The following LIMK1 variants were observed in gnomAD, a reference collection of about 807,000 sequenced individuals.
LIMK1 encodes the protein LIM domain kinase 1.
A neutral mutation model predicts 77.6 loss-of-function variants in LIMK1; 21 were observed. The ratio of observed to expected loss-of-function variants is 0.27; its 90% CI spans 0.19 to 0.39. The LOEUF is 0.39. Among genes scored for constraint, LIMK1 ranks in the 10% least tolerant of loss-of-function variants. The pLI is 1.00. For missense variants in LIMK1, 696 were observed against 901.6 expected (o/e 0.77, Z 2.92); for synonymous variants, 358 against 370.0 (o/e 0.97, Z 0.37).
chr7:74,117,488 GCCT>G lies in LIMK1; in HGVS notation c.1567+1533_1567+1535del, dbSNP rs1373065731. Among the ~76,000 whole-genome samples, 3 of 152,092 alleles carry G rather than the reference GCCT, an allele frequency of 2.0e-5. No homozygotes were observed. The East Asian group carries it at 5.8e-4, about 29-fold the overall frequency. ...AGTCATCTTTGGGGATCATAGTTCT[GCCT>G]CCCACAGGGTCTGCTTCCCTCAGTC... On this transcript the variant is annotated intron_variant, in intron 13 of 15. Transcript: ENST00000336180.
At chr7:74,118,371 G>C (rs1799860657) in intron 13 of LIMK1, among the ~76,000 whole-genome samples, 1 of 126,082 alleles carries the variant, frequency 7.9e-6, no homozygotes, top group African/African-American at 3.1e-5. Flanking sequence ...GTGGGACTCT[G>C]TGTCAAACAC....
chr7:74,106,008 C>T lies in LIMK1; in HGVS notation c.714+28C>T, dbSNP rs375611274. 46 of 1,612,166 alleles carry T rather than the reference C, an allele frequency of 2.9e-5. No individual in the cohort carries two copies. In the East Asian group the frequency reaches 3.1e-4, roughly 11 times the overall value. ...ACGGTCCTGAGTCTGTGGGGCAGGA[C>T]GGGAGGTAGTGCCTTCATGCCTAGC... On this transcript the variant is annotated intron_variant, in intron 6 of 15. Transcript: ENST00000336180.
chr7:74,087,791 T>C (rs1799160379), intron 2 of LIMK1, among the ~76,000 whole-genome samples: 1 of 152,162 alleles, frequency 6.6e-6, no homozygotes, highest in Non-Finnish European at 1.5e-5. Flanking sequence ...GGTTTTGCCA[T>C]GTTGGCCAGG....
intron 5 of LIMK1, among the ~76,000 whole-genome samples, chr7:74,100,499 T>C (rs533254980): frequency 7.9e-5 from 12 of 152,202 alleles, no homozygotes; most frequent in African/African-American, 2.9e-4. Flanking sequence ...ACCAGCTCAC[T>C]GCAACCTCCA....
At position 74,085,732 on chromosome 7, in the gene LIMK1, C is replaced by A; in HGVS notation, c.56-16C>A. On this transcript the variant is annotated splice_polypyrimidine_tract_variant and intron_variant, in intron 1 of 15. Coordinates refer to ENST00000336180, the MANE Select transcript of LIMK1 (RefSeq NM_002314.4). ...ACTTCCTGAGAATGCTTCCCAACTC[C>A]CTTCCCACCCTGCAGGAAGCGAGTT... The A allele has an allele frequency of 6.5e-7, 1 of 1,548,686 alleles. No homozygotes were observed. Among genetic ancestry groups the A allele is most frequent in the South Asian group, 1.2e-5 (1 of 84,022 alleles).
At chr7:74,112,117 T>G in intron 12 of LIMK1, 119 bp downstream of exon 12, 2 of 794,432 alleles carry the variant, frequency 2.5e-6, no homozygotes, top group Admixed American at 2.6e-5. Flanking sequence ...GACTTCAATT[T>G]GAGGTGGGGG....
At chr7:74,120,339 G>A (rs971011281) in intron 13 of LIMK1, among the ~76,000 whole-genome samples, 7 of 152,174 alleles carry the variant, frequency 4.6e-5, no homozygotes, top group Non-Finnish European at 8.8e-5. Context: ...GCAGCTGATC[G>A]GTGCCTCGAA....
intron 2 of LIMK1, among the ~76,000 whole-genome samples, chr7:74,088,405 A>G (rs1554694325): frequency 1.3e-5 from 2 of 152,156 alleles, no homozygotes; most frequent in African/African-American, 4.8e-5. Flanking sequence ...TGCTGAGGGA[A>G]CAGGAACAGT....
chr7:74,115,970 AGCCCTGCCCATCATG>A lies in LIMK1; in HGVS notation c.1567+18_1567+32del. On this transcript the variant is annotated intron_variant, in intron 13 of 15. Coordinates refer to ENST00000336180, the MANE Select transcript of LIMK1 (RefSeq NM_002314.4). ...TGAGATGATCAACGGTGAGTGGTTCAGCCCTGCCCATCATGGCCCTCACGGGAAGCCATGGGGGAG... is the reference window on the plus strand; with the variant it reads ...TGAGATGATCAACGGTGAGTGGTTCAGCCCTCACGGGAAGCCATGGGGGAG... 6.2e-7 allele frequency: 1 copy of A among 1,608,048 alleles called. No homozygotes were observed. The highest frequency in any genetic ancestry group is 8.5e-7 in the Non-Finnish European group (1 of 1,175,136).
In LIMK1 at chr7:74,096,642, C is replaced by G. The variant is rs782699896; in HGVS notation, c.173C>G (p.Ser58Cys). 1.9e-6 allele frequency: 3 copies of G among 1,614,040 alleles called. No homozygotes were observed. The Admixed American group carries it at 5.0e-5, about 27-fold the overall frequency. ...TGCAGGTGTTGTGACTGCAGTGCCTCCCTGTCGCACCAGTACTATGAGAAG... is the reference window on the plus strand; with the variant it reads ...TGCAGGTGTTGTGACTGCAGTGCCTGCCTGTCGCACCAGTACTATGAGAAG... ...DCFRCCDCSA[S>C]LSHQYYEKDG... The change falls in exon 3 of 16, where the codon TCC becomes TGC. Residue 58 changes from serine (S) to cysteine (C), a missense_variant. Around this residue, in one of 3 missense-constraint regions of LIMK1, gnomAD observed 252 missense variants for 279.4 expected, o/e 0.90. Transcript: ENST00000336180.
chr7:74,097,836 A>G (rs926348200), intron 4 of LIMK1, among the ~76,000 whole-genome samples: 3 of 152,124 alleles, frequency 2.0e-5, no homozygotes, highest in African/African-American at 2.4e-5. Context: ...GGGGTCCCCA[A>G]CCCACTCACA....
intron 10 of LIMK1, 138 bp from the exon 11 acceptor site, chr7:74,111,510 G>A (rs1799697848): frequency 5.8e-6 from 4 of 689,984 alleles, no homozygotes; most frequent in Non-Finnish European, 1.1e-5. Context: ...ACAGTTGTGG[G>A]TGCCCGAAGA....
chr7:74,104,306 G>A (rs1799523469), intron 5 of LIMK1, among the ~76,000 whole-genome samples: 1 of 151,928 alleles, frequency 6.6e-6, no homozygotes, highest in South Asian at 2.1e-4. Flanking sequence ...ACCTAGGGCA[G>A]AGACAAAGTG....
intron 10 of LIMK1, chr7:74,109,556 A>G (rs1799653505): frequency 6.4e-6 from 1 of 156,880 alleles, no homozygotes; most frequent in Non-Finnish European, 1.4e-5. Flanking sequence ...CCCCGTCTCT[A>G]CTAAAAATAC....
chr7:74,099,179 C>T lies in LIMK1; in HGVS notation c.549C>T (p.Asp183=), dbSNP rs150491142. The change falls in exon 5 of 16, where the codon GAC becomes GAT. Residue 183 remains aspartate (D), a synonymous_variant. Transcript: ENST00000336180. ...HGKRGLSVSI[D]PPHGPPGCGT... is the part of the protein sequence containing the mutation. ...AGCGTGGACTTTCAGTCTCCATTGA[C>T]CCCCCGCACGGCCCACCGGGCTGTG... 5.3e-4 allele frequency: 852 copies of T among 1,611,986 alleles called. No individual in the cohort carries two copies. The highest frequency in any genetic ancestry group is 6.7e-4 in the Non-Finnish European group (792 of 1,179,996).
intron 5 of LIMK1, among the ~76,000 whole-genome samples, chr7:74,101,572 C>T (rs1457669460): frequency 6.6e-6 from 1 of 152,150 alleles, no homozygotes; most frequent in East Asian, 1.9e-4. Flanking sequence ...GGTAAGCATT[C>T]GCCCAGCCAA....
In LIMK1 at chr7:74,115,958, G is replaced by A. The variant is rs1799800395; in HGVS notation, c.1567G>A (p.Gly523Ser). 5 of 1,613,670 alleles carry A rather than the reference G, an allele frequency of 3.1e-6. No homozygotes were observed. Among genetic ancestry groups the A allele is most frequent in the East Asian group, 4.5e-5 (2 of 44,860 alleles). The stretch of plus-strand genomic sequence containing the variant: ...CTGGATGGCACCTGAGATGATCAAC[G>A]GTGAGTGGTTCAGCCCTGCCCATCA... ...PYWMAPEMIN[G>S]RSYDEKVDVF... is the part of the protein sequence containing the mutation. Residue 523 changes from glycine (G) to serine (S), a missense_variant and splice_region_variant, in exon 13 of 16, where the codon GGC becomes AGC. This residue lies in a region of LIMK1 where 438 missense variants were observed against 602.3 expected (regional missense o/e 0.73). Coordinates refer to ENST00000336180, the MANE Select transcript of LIMK1 (RefSeq NM_002314.4).
chr7:74,113,857 T>C (rs1278635604), intron 12 of LIMK1, among the ~76,000 whole-genome samples: 7 of 151,316 alleles, frequency 4.6e-5, no homozygotes, highest in Non-Finnish European at 8.9e-5. Context: ...GTTGGAAGGC[T>C]AGGTGGGAGG....
At chr7:74,105,143 G>A (rs1479424890) in intron 5 of LIMK1, among the ~76,000 whole-genome samples, 2 of 151,998 alleles carry the variant, frequency 1.3e-5, no homozygotes, top group Non-Finnish European at 2.9e-5. Flanking sequence ...CAGTAGAGAC[G>A]GCGTTTCACC....
Sources: gnomAD v4.1 joint callset for allele counts (sites outside exome capture counted in the v4.1 genomes callset) on GRCh38, gnomAD v4.1.1 for gene constraint, gnomAD v4.1.1 regional missense constraint, MANE v1.5 for transcripts, NCBI Gene and HGNC (gene_info 2026-07-23, HGNC 2026-07-21) for gene names.